Variants in RNGTT observed in about 807,000 individuals in gnomAD.
RNGTT encodes the protein mRNA-capping enzyme.
RNGTT carries 33 observed loss-of-function variants against 79.3 expected under a neutral mutation model. That is an observed-to-expected ratio of 0.42 (90% confidence interval 0.32 to 0.56). The LOEUF (loss-of-function observed/expected upper bound fraction) is 0.56. RNGTT is among the 20% of genes least tolerant of loss of function. RNGTT has a pLI of 0.17. For missense variants in RNGTT, 497 were observed against 739.1 expected (o/e 0.67, Z 3.80); for synonymous variants, 222 against 235.9 (o/e 0.94, Z 0.54).
intron 12 of RNGTT, among the ~76,000 whole-genome samples, chr6:88,785,528 C>A (rs766035460): frequency 6.6e-6 from 1 of 151,980 alleles, no homozygotes; most frequent in African/African-American, 2.4e-5. Context: ...TCTTTCTTGG[C>A]ACTTTGCTAT....
At chr6:88,661,606 C>T (rs1010092188) in intron 14 of RNGTT, among the ~76,000 whole-genome samples, 2 of 151,996 alleles carry the variant, frequency 1.3e-5, no homozygotes, top group Non-Finnish European at 2.9e-5. Flanking sequence ...ATATACAACC[C>T]TCCTAGATTA....
Position 88,612,182 on chromosome 6 carries a change from A to G in RNGTT, c.*537T>C, listed in dbSNP as rs565498747. 2.0e-5 allele frequency: 3 copies of G among 152,964 alleles called. No homozygotes were observed. Among genetic ancestry groups the G allele is most frequent in the African/African-American group, 7.2e-5 (3 of 41,598 alleles). The allele number at this position is 152,964 out of a possible 1,614,324, so 9.5% of individuals were successfully genotyped here. A position where few individuals can be genotyped will look rare whatever the true frequency, so the allele number is the denominator to read the frequency against. Reference sequence around the variant, plus strand: ...TATAAACCAGACCAAGTTGTTTAATATAGTACAACTTAACAACCCTGTCAT... The same window carrying G: ...TATAAACCAGACCAAGTTGTTTAATGTAGTACAACTTAACAACCCTGTCAT... On this transcript the variant is annotated 3_prime_UTR_variant, in exon 16 of 16. Transcript: ENST00000369485.
intron 8 of RNGTT, among the ~76,000 whole-genome samples, chr6:88,873,961 G>A (rs1289571365): frequency 2.6e-5 from 4 of 152,088 alleles, no homozygotes; most frequent in Admixed American, 6.5e-5. Flanking sequence ...CTTATTATTC[G>A]TAGCACAGAT....
intron 8 of RNGTT, among the ~76,000 whole-genome samples, chr6:88,887,192 T>C (rs1782892457): frequency 6.6e-6 from 1 of 152,056 alleles, no homozygotes; most frequent in Non-Finnish European, 1.5e-5. Flanking sequence ...ATTTCAGAGA[T>C]CCTTGGTTTA....
chr6:88,770,925 A>T (rs1225361217), intron 12 of RNGTT, among the ~76,000 whole-genome samples: 1 of 152,030 alleles, frequency 6.6e-6, no homozygotes, highest in African/African-American at 2.4e-5. Flanking sequence ...TGTCTGTTCA[A>T]ATCTTTTACT....
chr6:88,946,121 G>C (rs138725269), intron 1 of RNGTT, among the ~76,000 whole-genome samples: 2 of 152,232 alleles, frequency 1.3e-5, no homozygotes, highest in East Asian at 3.9e-4. Context: ...GCAACCTTTT[G>C]TCTATCAAGT....
rs911715217 is a variant in RNGTT at position 88,906,281 on chromosome 6, T to G, written c.443+84A>C. ...ATTAATCATGAGTTCACCAAAAACTTGACAATACAAAATTCTGCAACTAAA... is the reference window on the plus strand; with the variant it reads ...ATTAATCATGAGTTCACCAAAAACTGGACAATACAAAATTCTGCAACTAAA... On this transcript the variant is annotated intron_variant, in intron 5 of 15. Transcript: ENST00000369485. The G allele has an allele frequency of 4.9e-6, 4 of 816,310 alleles. No individual in the cohort carries two copies. The African/African-American group carries it at 7.0e-5, about 14-fold the overall frequency. 50.6% of individuals were successfully genotyped at this position (816,310 alleles called of 1,614,324 possible). A position where few individuals can be genotyped will look rare whatever the true frequency, so the allele number is the denominator to read the frequency against.
At chr6:88,929,830 A>C (rs1784430065) in intron 2 of RNGTT, among the ~76,000 whole-genome samples, 1 of 151,688 alleles carries the variant, frequency 6.6e-6, no homozygotes, top group South Asian at 2.1e-4. Context: ...ACATATACAC[A>C]CATATACATA....
chr6:88,801,404 A>G (rs1210663889), intron 12 of RNGTT, among the ~76,000 whole-genome samples, 160 bp downstream of exon 12: 2 of 152,268 alleles, frequency 1.3e-5, no homozygotes, highest in East Asian at 3.9e-4. Context: ...ATCTTTCATA[A>G]TGAGCAATTT....
chr6:88,747,636 G>C (rs1398931993), intron 13 of RNGTT, among the ~76,000 whole-genome samples: 2 of 152,200 alleles, frequency 1.3e-5, no homozygotes, highest in African/African-American at 4.8e-5. Context: ...CAGCAGGGCA[G>C]ACAGTTGGGA....
chr6:88,788,341 C>T (rs1017150801), intron 12 of RNGTT, among the ~76,000 whole-genome samples: 9 of 151,510 alleles, frequency 5.9e-5, no homozygotes, highest in African/African-American at 2.2e-4. Flanking sequence ...CGAAAGGGAC[C>T]GCAAAGAATG....
chr6:88,889,911 C>G (rs932152651), intron 8 of RNGTT, among the ~76,000 whole-genome samples: 1 of 152,098 alleles, frequency 6.6e-6, no homozygotes, highest in Non-Finnish European at 1.5e-5. Context: ...CCCAGGAGTT[C>G]AAGGCTGCAG....
chr6:88,763,540 C>T (rs1328952612), intron 13 of RNGTT, among the ~76,000 whole-genome samples: 2 of 152,138 alleles, frequency 1.3e-5, no homozygotes, highest in African/African-American at 2.4e-5. Flanking sequence ...CACTTGTTAT[C>T]GTCTTTCTAA....
At chr6:88,800,683 A>G (rs947449793) in intron 12 of RNGTT, among the ~76,000 whole-genome samples, 2 of 152,218 alleles carry the variant, frequency 1.3e-5, no homozygotes, top group Admixed American at 6.5e-5. Context: ...TTTCTACTCA[A>G]TAGGTGTGGG....
At chr6:88,786,742 T>C (rs1037312995) in intron 12 of RNGTT, among the ~76,000 whole-genome samples, 22 of 152,220 alleles carry the variant, frequency 1.4e-4, no homozygotes, top group East Asian at 1.2e-3. Flanking sequence ...TTGTCAAGTA[T>C]AGGTTACATT....
intron 13 of RNGTT, among the ~76,000 whole-genome samples, chr6:88,715,018 T>A (rs1224267972): frequency 1.3e-5 from 2 of 152,064 alleles, no homozygotes; most frequent in Non-Finnish European, 2.9e-5. Context: ...AAAGAAGAAG[T>A]CAAATTGTCC....
rs143948756 is a variant in RNGTT at position 88,765,065 on chromosome 6, G to A, written c.1439+4709C>T. Among the ~76,000 whole-genome samples the A allele has an allele frequency of 5.0e-3, 758 of 151,868 alleles. 5 individuals are homozygous for A. Among genetic ancestry groups the A allele is most frequent in the African/African-American group, 0.017 (697 of 41,396 alleles). On this transcript the variant is annotated intron_variant, in intron 13 of 15. Transcript: ENST00000369485. Reference sequence around the variant, plus strand: ...AAATTAGCCGGGCATGGTGGCAGGCGCCTGTAGTCAAAGCTACTAGGGAGG... The same window carrying A: ...AAATTAGCCGGGCATGGTGGCAGGCACCTGTAGTCAAAGCTACTAGGGAGG...
intron 14 of RNGTT, among the ~76,000 whole-genome samples, chr6:88,629,128 G>T (rs866121036): frequency 6.6e-5 from 10 of 152,106 alleles, no homozygotes; most frequent in African/African-American, 2.4e-4. Context: ...CTCAAAAGTG[G>T]GTAGGGAAAA....
chr6:88,786,056 T>C, intron 12 of RNGTT, among the ~76,000 whole-genome samples: 1 of 152,146 alleles, frequency 6.6e-6, no homozygotes, highest in East Asian at 1.9e-4. Context: ...ATAGTAGAGT[T>C]AGTGGGTACA....
Sources: gnomAD v4.1 joint callset for allele counts (sites outside exome capture counted in the v4.1 genomes callset) on GRCh38, gnomAD v4.1.1 for gene constraint, MANE v1.5 for transcripts, NCBI Gene and HGNC (gene_info 2026-07-23, HGNC 2026-07-21) for gene names.